Variants in NBEA observed in about 807,000 individuals in gnomAD.
NBEA encodes the protein lysosomal-trafficking regulator 2.
NBEA carries 44 observed loss-of-function variants against 343.4 expected under a neutral mutation model. That is an observed-to-expected ratio of 0.13 (90% CI 0.10 to 0.16). The LOEUF is 0.16. Among genes scored for constraint, NBEA ranks in the 10% least tolerant of loss-of-function variants. NBEA has a pLI of 1.00. For synonymous variants in NBEA, 1,175 were observed against 1,238.7 expected, an observed-to-expected ratio of 0.95 and a Z score of 1.08; for missense variants, 2,555 against 3,631.3, an observed-to-expected ratio of 0.70 and a Z score of 7.62.
At chr13:35,193,958 G>A (rs1279174497) in intron 30 of NBEA, among the ~76,000 whole-genome samples, 1 of 151,764 alleles carries the variant, frequency 6.6e-6, no homozygotes, top group East Asian at 1.9e-4. Context: ...AATAATATGA[G>A]GATGTTATTT....
intron 41 of NBEA, among the ~76,000 whole-genome samples, chr13:35,509,760 CAAG>C (rs749809538): frequency 1.7e-4 from 26 of 152,208 alleles, no homozygotes; most frequent in Non-Finnish European, 3.1e-4. Flanking sequence ...AAAAGCGTTT[CAAG>C]AAGGATGGAC....
intron 1 of NBEA, among the ~76,000 whole-genome samples, chr13:35,001,620 G>A (rs1333763704): frequency 6.6e-6 from 1 of 152,108 alleles, no homozygotes; most frequent in African/African-American, 2.4e-5. Flanking sequence ...GATAAAAAAA[G>A]TTGATCTCAT....
rs543926389 is a variant in NBEA, at chr13:34,995,680, CA to C, written c.295-45252del. Among the ~76,000 whole-genome samples, 233 of 152,228 alleles carry C rather than the reference CA, an allele frequency of 1.5e-3. 1 individual carries two copies. The highest frequency in any genetic ancestry group is 3.0e-3 in the Non-Finnish European group (205 of 68,018). ...CTCACTTTAATCAGCTGACTGTCAA[CA>C]GTTGACTGAAGCTCAGATGCTGTAA... On this transcript the variant is annotated intron_variant, in intron 1 of 58. Transcript: ENST00000379939.
At chr13:35,457,755 C>T (rs1356399890) in intron 40 of NBEA, among the ~76,000 whole-genome samples, 1 of 152,128 alleles carries the variant, frequency 6.6e-6, no homozygotes, top group Non-Finnish European at 1.5e-5. Flanking sequence ...ACCACAGGCA[C>T]CCGCCACCAC....
At chr13:35,098,750 C>G (rs2065466710) in intron 11 of NBEA, among the ~76,000 whole-genome samples, 2 of 152,092 alleles carry the variant, frequency 1.3e-5, no homozygotes, top group Non-Finnish European at 2.9e-5. Context: ...TCAAAAATAG[C>G]ATGGAATAAA....
At chr13:35,326,985 C>T (rs2038606962) in intron 36 of NBEA, among the ~76,000 whole-genome samples, 1 of 151,896 alleles carries the variant, frequency 6.6e-6, no homozygotes, top group Non-Finnish European at 1.5e-5. Flanking sequence ...CATGAACAAA[C>T]ATACAAAAAG....
At chr13:35,138,651 G>A (rs1181638053) in intron 17 of NBEA, among the ~76,000 whole-genome samples, 1 of 151,956 alleles carries the variant, frequency 6.6e-6, no homozygotes, top group East Asian at 1.9e-4. Flanking sequence ...GTAGAGACAG[G>A]ATTTCACCAT....
chr13:35,058,642 T>A, intron 7 of NBEA, 75 bp from the exon 8 acceptor site: 3 of 1,141,550 alleles, frequency 2.6e-6, no homozygotes, highest in Non-Finnish European at 3.8e-6. Context: ...TTCATGATAA[T>A]GAAGGCCGAT....
At chr13:35,259,526 T>G (rs533287228) in intron 34 of NBEA, among the ~76,000 whole-genome samples, 1 of 152,252 alleles carries the variant, frequency 6.6e-6, no homozygotes, top group East Asian at 1.9e-4. Flanking sequence ...ACATTTCAAG[T>G]TTTTGTAAAT....
intron 17 of NBEA, among the ~76,000 whole-genome samples, chr13:35,140,302 C>T (rs2068017134): frequency 6.6e-6 from 1 of 152,058 alleles, no homozygotes; most frequent in South Asian, 2.1e-4. Flanking sequence ...GCATGAGGCA[C>T]TGAGCTGGCC....
intron 1 of NBEA, among the ~76,000 whole-genome samples, chr13:34,977,949 C>A (rs1041321945): frequency 1.3e-5 from 2 of 152,042 alleles, no homozygotes; most frequent in African/African-American, 2.4e-5. Context: ...CTGAATAGCT[C>A]CCATTATGCC....
In NBEA at chr13:35,010,956, AT is replaced by A. The variant is rs966444784; in HGVS notation, c.295-29965del. On this transcript the variant is annotated intron_variant, in intron 1 of 58. Coordinates refer to ENST00000379939, the MANE Select transcript of NBEA (RefSeq NM_001385012.1). Reference sequence around the variant, plus strand: ...GCTCAAGGATGAAGTGGAGCCAATGATTTTTTTTTTTTAAGTTGGGATAGAT... The same window carrying A: ...GCTCAAGGATGAAGTGGAGCCAATGATTTTTTTTTTTAAGTTGGGATAGAT... Among the ~76,000 whole-genome samples the A allele has an allele frequency of 8.8e-4, 126 of 143,654 alleles. 1 individual carries two copies. The highest frequency in any genetic ancestry group is 1.3e-3 in the Admixed American group (19 of 14,240). The allele number at this position is 143,654 out of a possible 152,430, so 94.2% of individuals were successfully genotyped here.
intron 12 of NBEA, among the ~76,000 whole-genome samples, chr13:35,110,389 A>G (rs545057037): frequency 6.6e-6 from 1 of 152,012 alleles, no homozygotes; most frequent in Non-Finnish European, 1.5e-5. Flanking sequence ...AACTTTTAGG[A>G]TATATGACAA....
At chr13:35,132,797 T>C (rs2067499128) in intron 17 of NBEA, among the ~76,000 whole-genome samples, 1 of 152,184 alleles carries the variant, frequency 6.6e-6, no homozygotes, top group African/African-American at 2.4e-5. Context: ...ATAACTATAT[T>C]GTAATGATAG....
intron 32 of NBEA, among the ~76,000 whole-genome samples, chr13:35,210,356 A>T (rs577044470): frequency 6.6e-6 from 1 of 152,168 alleles, no homozygotes; most frequent in Admixed American, 6.5e-5. Flanking sequence ...TTCATTTCAA[A>T]TATTGGCACA....
At chr13:35,356,333 G>T (rs868545063) in intron 38 of NBEA, among the ~76,000 whole-genome samples, 2 of 152,146 alleles carry the variant, frequency 1.3e-5, no homozygotes, top group South Asian at 4.1e-4. Flanking sequence ...GGAGTCACAA[G>T]TTCCTCAAAA....
chr13:35,672,219 T>A lies in NBEA; in HGVS notation c.*1228T>A, dbSNP rs1021010331. On this transcript the variant is annotated 3_prime_UTR_variant, in exon 59 of 59. Transcript: ENST00000379939. ...GTTTCTTCTTTGTATATTTGGTGAC[T>A]GTATCGTCATAGATGTACATATTGT... 2.0e-5 allele frequency: 3 copies of A among 152,670 alleles called. No individual in the cohort carries two copies. The highest frequency in any genetic ancestry group is 4.4e-5 in the Non-Finnish European group (3 of 68,048). 9.5% of individuals were successfully genotyped at this position (152,670 alleles called of 1,614,324 possible).
chr13:35,272,890 C>T (rs1405817517), intron 34 of NBEA, among the ~76,000 whole-genome samples: 2 of 152,102 alleles, frequency 1.3e-5, no homozygotes, highest in Non-Finnish European at 2.9e-5. Context: ...CTTAGACTCC[C>T]ACACAATAAT....
At chr13:34,988,109 G>T (rs2060622912) in intron 1 of NBEA, among the ~76,000 whole-genome samples, 1 of 150,838 alleles carries the variant, frequency 6.6e-6, no homozygotes, top group East Asian at 1.9e-4. Flanking sequence ...TTTCTACTCT[G>T]GTTTCTGCAA....
Sources: gnomAD v4.1 joint callset for allele counts (sites outside exome capture counted in the v4.1 genomes callset) on GRCh38, gnomAD v4.1.1 for gene constraint, MANE v1.5 for transcripts, NCBI Gene and HGNC (gene_info 2026-07-23, HGNC 2026-07-21) for gene names.